Variants in STRIP1 observed in about 807,000 individuals in gnomAD.
STRIP1 encodes the protein striatin interacting protein 1.
Under a neutral mutation model 106.2 loss-of-function variants are expected in STRIP1, and 63 were observed. The observed-to-expected ratio is 0.59, with a 90% CI of 0.48 to 0.73. The LOEUF (loss-of-function observed/expected upper bound fraction) is 0.73, where lower values mean the gene tolerates loss of function less well. Ranked by LOEUF, STRIP1 falls within the 30% of genes least tolerant of loss-of-function variation. STRIP1 has a pLI of 0.00. For missense variants in STRIP1, 857 were observed against 1,074.8 expected, an observed-to-expected ratio of 0.80 and a Z score of 2.83; for synonymous variants, 390 against 413.0, an observed-to-expected ratio of 0.94 and a Z score of 0.67.
intron 8 of STRIP1, among the ~76,000 whole-genome samples, chr1:110,042,470 G>A (rs907488560): frequency 6.6e-6 from 1 of 152,198 alleles, no homozygotes; most frequent in Non-Finnish European, 1.5e-5. Context: ...CTTTCAGAAT[G>A]GGTCAACTCT....
chr1:110,041,949 A>G, intron 8 of STRIP1, 88 bp downstream of exon 8: 1 of 1,404,402 alleles, frequency 7.1e-7, no homozygotes, highest in South Asian at 1.3e-5. Flanking sequence ...ATATTGAATT[A>G]TGTGACTGTA....
At position 110,048,080 on chromosome 1, in the gene STRIP1, C is replaced by CT. The variant is rs1174631849; in HGVS notation, c.1661+212dup. 6 of 549,808 alleles carry CT rather than the reference C, an allele frequency of 1.1e-5. No individual in the cohort carries two copies. The African/African-American group carries it at 1.1e-4, about 10-fold the overall frequency. 34.1% of individuals were successfully genotyped at this position (549,808 alleles called of 1,614,324 possible). A position where few individuals can be genotyped will look rare whatever the true frequency, so the allele number is the denominator to read the frequency against. On this transcript the variant is annotated intron_variant, in intron 15 of 20. Coordinates refer to ENST00000369795, the MANE Select transcript of STRIP1 (RefSeq NM_033088.4). The stretch of plus-strand genomic sequence containing the variant: ...GTTGGCCTGGATTCTAGTGTAGACT[C>CT]TACCACTGAGCAAACTCCTGAGTGA...
upstream of STRIP1, chr1:110,034,587 T>C: frequency 6.8e-7 from 1 of 1,460,244 alleles, no homozygotes. Context: ...ACGCGAGAGT[T>C]GCATCACGGC....
chr1:110,039,180 A>G lies in STRIP1; in HGVS notation c.334A>G (p.Lys112Glu). The G allele has an allele frequency of 5.0e-6, 8 of 1,614,156 alleles. No individual in the cohort carries two copies. The highest frequency in any genetic ancestry group is 6.8e-6 in the Non-Finnish European group (8 of 1,179,992). Residue 112 changes from lysine (K) to glutamate (E), a missense_variant, in exon 4 of 21, where the codon AAG becomes GAG. Lys to Glu is a moderately conservative substitution (Grantham distance 56). Coordinates refer to ENST00000369795, the MANE Select transcript of STRIP1 (RefSeq NM_033088.4). ...GGTTTCTTGCCCTGCAGTGACAGAC[A>G]AGAAGTGGACTGAGCTGGATACCAA... ...EEDFRIHVTD[K>E]KWTELDTNQH...
intron 17 of STRIP1, 87 bp downstream of exon 17, chr1:110,049,647 A>G: frequency 1.1e-6 from 1 of 907,380 alleles, no homozygotes; most frequent in Non-Finnish European, 1.8e-6. Flanking sequence ...CCATTTTTCC[A>G]GCACCTACGA....
At chr1:110,042,576 TAG>T (rs2101772807) in intron 8 of STRIP1, among the ~76,000 whole-genome samples, 1 of 152,372 alleles carries the variant, frequency 6.6e-6, no homozygotes, top group South Asian at 2.1e-4. Context: ...TTGCTAAGGC[TAG>T]AGAGGAAAGC....
chr1:110,038,050 T>C, intron 2 of STRIP1, 90 bp downstream of exon 2: 1 of 541,246 alleles, frequency 1.8e-6, no homozygotes, highest in Non-Finnish European at 3.3e-6. Context: ...TAGGGCTTCA[T>C]TGCTTTCCCT....
intron 5 of STRIP1, 150 bp from the exon 6 acceptor site, chr1:110,040,485 G>A (rs1009007805): frequency 7.4e-6 from 5 of 674,662 alleles, no homozygotes; most frequent in Non-Finnish European, 1.2e-5. Context: ...CCCAGCCATG[G>A]TCTGGTTTCT....
chr1:110,051,652 A>ACT, intron 19 of STRIP1, 31 bp from the exon 20 acceptor site: 1 of 1,566,604 alleles, frequency 6.4e-7, no homozygotes. Context: ...TTTGTCTTCA[A>ACT]CTTGGGCTGC....
chr1:110,036,714 T>C (rs1398125038), intron 1 of STRIP1, among the ~76,000 whole-genome samples: 19 of 152,236 alleles, frequency 1.2e-4, no homozygotes, highest in Admixed American at 1.2e-3. Context: ...TAGATTTTCA[T>C]CATTGCCATT....
At chr1:110,032,107 C>CCATTGTTTTCAATATT (rs1652208280), upstream of STRIP1, among the ~76,000 whole-genome samples, 1 of 152,054 alleles carries the variant, frequency 6.6e-6, no homozygotes, top group Admixed American at 6.6e-5. Flanking sequence ...ATTGAAAACA[C>CCATTGTTTTCAATATT]CATTGCCTGA....
chr1:110,050,296 C>T, intron 17 of STRIP1, 47 bp from the exon 18 acceptor site: 3 of 1,598,918 alleles, frequency 1.9e-6, no homozygotes, highest in Non-Finnish European at 2.6e-6. Context: ...CCACCAGGCC[C>T]TGGGCCTTTG....
chr1:110,039,029 C>T (rs1014235663), intron 3 of STRIP1, 143 bp from the exon 4 acceptor site: 16 of 944,500 alleles, frequency 1.7e-5, no homozygotes, highest in Non-Finnish European at 2.5e-5. Context: ...ATTCATAGAG[C>T]AGCAGTATGA....
upstream of STRIP1, among the ~76,000 whole-genome samples, chr1:110,033,828 G>A (rs956923930): frequency 6.6e-6 from 1 of 152,244 alleles, no homozygotes; most frequent in Non-Finnish European, 1.5e-5. Flanking sequence ...CCTGCTTTCA[G>A]CAATAATCCT....
rs545710448 is a variant in STRIP1, at chr1:110,050,460, G to C, written c.1956+51G>C. Reference sequence around the variant, plus strand: ...GTCCTTTTGGCACCAGGGTCAGTGGGTAGAGAGCCTGCCTACCCCAACACT... The same window carrying C: ...GTCCTTTTGGCACCAGGGTCAGTGGCTAGAGAGCCTGCCTACCCCAACACT... On this transcript the variant is annotated intron_variant, in intron 18 of 20. Transcript: ENST00000369795. 1.2e-5 allele frequency: 19 copies of C among 1,544,688 alleles called. No individual in the cohort carries two copies. The East Asian group carries it at 4.3e-4, about 35-fold the overall frequency.
chr1:110,034,617 T>C, upstream of STRIP1: 1 of 1,500,304 alleles, frequency 6.7e-7, no homozygotes, highest in Non-Finnish European at 8.9e-7. Flanking sequence ...CGAGTTAAGC[T>C]GGGGGTGTGG....
upstream of STRIP1, among the ~76,000 whole-genome samples, chr1:110,034,356 T>G (rs1261309395): frequency 6.6e-6 from 1 of 152,122 alleles, no homozygotes; most frequent in East Asian, 1.9e-4. Flanking sequence ...GCAAAGCGAT[T>G]TAGAGGAAGG....
intron 17 of STRIP1, chr1:110,050,123 C>T (rs1653222617): frequency 7.3e-6 from 4 of 544,768 alleles, no homozygotes; most frequent in Non-Finnish European, 1.3e-5. Context: ...ACAAGATCAA[C>T]AAGCTGGCCT....
Position 110,043,555 on chromosome 1 carries a change from G to A in STRIP1, c.1069-84G>A, listed in dbSNP as rs934647001. On this transcript the variant is annotated intron_variant, in intron 9 of 20. Coordinates refer to ENST00000369795, the MANE Select transcript of STRIP1 (RefSeq NM_033088.4). ...CTGTTCTTGCCTCTACTGGACACCTGTATGTGCTGTGTCTCCTCTGGCTGC... is the reference window on the plus strand; with the variant it reads ...CTGTTCTTGCCTCTACTGGACACCTATATGTGCTGTGTCTCCTCTGGCTGC... 2.4e-5 allele frequency: 29 copies of A among 1,231,520 alleles called. No homozygotes were observed. In the Admixed American group the frequency reaches 5.7e-4, roughly 24 times the overall value. 76.3% of individuals were successfully genotyped at this position (1,231,520 alleles called of 1,614,324 possible). A position where few individuals can be genotyped will look rare whatever the true frequency, so the allele number is the denominator to read the frequency against.
Sources: allele counts gnomAD v4.1 joint callset (sites outside exome capture counted in the v4.1 genomes callset), GRCh38; gene constraint gnomAD v4.1.1; transcripts MANE v1.5; gene names NCBI Gene and HGNC (gene_info 2026-07-23, HGNC 2026-07-21).